The following TRAPPC8 variants were observed in gnomAD, a reference collection of about 807,000 sequenced individuals.
The protein encoded by TRAPPC8 is general sporulation gene 1 homolog.
TRAPPC8 carries 54 observed loss-of-function variants against 174.3 expected under a neutral mutation model. The ratio of observed to expected loss-of-function variants is 0.31; its 90% CI spans 0.25 to 0.39. The LOEUF is 0.39. Among genes scored for constraint, TRAPPC8 ranks in the 10% least tolerant of loss-of-function variants. TRAPPC8 has a pLI of 1.00. For missense variants in TRAPPC8, 1,531 were observed against 1,699.1 expected (o/e 0.90, Z 1.74); for synonymous variants, 630 against 579.9 (o/e 1.09, Z -1.24).
rs201761683 is a variant in TRAPPC8 at position 31,919,571 on chromosome 18, AATAAATAAATAAATAAATAAAAT to A, written c.353-1927_353-1905del. 4.9e-4 allele frequency among the ~76,000 whole-genome samples: 63 copies of A among 127,622 alleles called. 1 individual carries two copies. The highest frequency in any genetic ancestry group is 4.6e-3 in the East Asian group (19 of 4,156). 83.7% of individuals were successfully genotyped at this position (127,622 alleles called of 152,430 possible). A position where few individuals can be genotyped will look rare whatever the true frequency, so the allele number is the denominator to read the frequency against. ...AAATAAATAAATAAATAAATAAATAAATAAATAAATAAATAAATAAAATAATAATAATCCTAACACTTTGGGAG... is the reference window on the plus strand; with the variant it reads ...AAATAAATAAATAAATAAATAAATAAAATAATAATCCTAACACTTTGGGAG... On this transcript the variant is annotated intron_variant, in intron 2 of 28. Coordinates refer to ENST00000283351, the MANE Select transcript of TRAPPC8 (RefSeq NM_014939.5).
At chr18:31,925,841 ATAAC>A (rs35289414) in intron 2 of TRAPPC8, among the ~76,000 whole-genome samples, 2,510 of 152,284 alleles carry the variant, frequency 0.016, 22 homozygotes, top group Middle Eastern at 0.027. Context: ...GAAATGATTT[ATAAC>A]TAACAATGTA....
intron 11 of TRAPPC8, among the ~76,000 whole-genome samples, chr18:31,896,694 C>T (rs996958841): frequency 1.1e-4 from 16 of 152,072 alleles, no homozygotes; most frequent in Admixed American, 7.2e-4. Flanking sequence ...GGTGCGATCT[C>T]GGCTCACTGC....
intron 28 of TRAPPC8, among the ~76,000 whole-genome samples, chr18:31,831,582 C>G (rs983114688): frequency 2.2e-4 from 34 of 152,056 alleles, no homozygotes; most frequent in Non-Finnish European, 4.0e-4. Flanking sequence ...CCTTAGTTAG[C>G]CATATATAAG....
chr18:31,893,035 A>AC (rs2036025713), intron 11 of TRAPPC8, among the ~76,000 whole-genome samples: 4 of 147,746 alleles, frequency 2.7e-5, no homozygotes, highest in African/African-American at 9.7e-5. Flanking sequence ...GGAAAAAAAA[A>AC]AAAAAACAAC....
intron 11 of TRAPPC8, chr18:31,896,276 AG>A (rs1341808151): frequency 6.6e-6 from 1 of 152,234 alleles, no homozygotes; most frequent in Non-Finnish European, 1.5e-5. Flanking sequence ...CTAGAACAGT[AG>A]AAGTTTAAGA....
intron 9 of TRAPPC8, among the ~76,000 whole-genome samples, chr18:31,903,034 C>T (rs867230101): frequency 4.8e-5 from 7 of 144,750 alleles, no homozygotes; most frequent in Non-Finnish European, 7.5e-5. Context: ...TGGGTGACAG[C>T]GAGACTCATC....
chr18:31,913,421 T>C lies in TRAPPC8; in HGVS notation c.719A>G (p.Gln240Arg). The C allele has an allele frequency of 6.2e-7, 1 of 1,609,642 alleles. No individual in the cohort carries two copies. Among genetic ancestry groups the C allele is most frequent in the Non-Finnish European group, 8.5e-7 (1 of 1,178,754 alleles). The change falls in exon 5 of 29, where the codon CAG becomes CGG. Residue 240 changes from glutamine (Q) to arginine (R), a missense_variant. Transcript: ENST00000283351. ...ATACTGACTCCAAGGATCTGGTATC[T>C]GTTCATCTGATGCTCGATTAGATGT... is the stretch of plus-strand genomic sequence containing the variant. ...SRTSNRASDE[Q>R]IPDPWSQYLQ...
chr18:31,872,564 C>T (rs963455373), intron 14 of TRAPPC8, among the ~76,000 whole-genome samples: 2 of 152,124 alleles, frequency 1.3e-5, no homozygotes, highest in African/African-American at 4.8e-5. Context: ...GGACTACAGG[C>T]GCATGCCACC....
intron 16 of TRAPPC8, among the ~76,000 whole-genome samples, chr18:31,868,914 G>C (rs1206158603): frequency 6.6e-6 from 1 of 151,626 alleles, no homozygotes; most frequent in Non-Finnish European, 1.5e-5. Context: ...TGTTGCCTAG[G>C]CTAGAGCAAG....
chr18:31,890,986 A>C, intron 11 of TRAPPC8, 120 bp from the exon 12 acceptor site: 1 of 865,926 alleles, frequency 1.2e-6, no homozygotes, highest in South Asian at 2.5e-5. Flanking sequence ...ACTTAAGAGT[A>C]TATGAGGGCA....
chr18:31,860,146 C>T (rs1260659628), intron 19 of TRAPPC8, among the ~76,000 whole-genome samples: 1 of 152,142 alleles, frequency 6.6e-6, no homozygotes, highest in Non-Finnish European at 1.5e-5. Flanking sequence ...CTCACTATCT[C>T]ACTTCTAATT....
chr18:31,903,435 A>C (rs1369762682), intron 9 of TRAPPC8, among the ~76,000 whole-genome samples: 1 of 152,220 alleles, frequency 6.6e-6, no homozygotes, highest in Non-Finnish European at 1.5e-5. Context: ...TATGGTGTAT[A>C]TATACTACCA....
At chr18:31,831,978 G>T in intron 28 of TRAPPC8, 106 bp downstream of exon 28, 2 of 716,946 alleles carry the variant, frequency 2.8e-6, no homozygotes, top group Non-Finnish European at 4.3e-6. Context: ...AAAAAACCAG[G>T]ACAAGCTTGA....
chr18:31,874,351 C>T (rs1026238311), intron 13 of TRAPPC8, 129 bp downstream of exon 13: 15 of 977,842 alleles, frequency 1.5e-5, no homozygotes, highest in South Asian at 3.5e-5. Context: ...GCCTAGCCTG[C>T]CACAGCTTTT....
intron 26 of TRAPPC8, among the ~76,000 whole-genome samples, chr18:31,842,467 T>A (rs60724618): frequency 0.01 from 1,546 of 152,352 alleles, 32 homozygotes; most frequent in African/African-American, 0.035. Flanking sequence ...GGCATCAGGC[T>A]GATCACCTGC....
chr18:31,869,229 C>T (rs183909670), intron 16 of TRAPPC8, among the ~76,000 whole-genome samples: 21 of 151,230 alleles, frequency 1.4e-4, no homozygotes, highest in African/African-American at 4.1e-4. Flanking sequence ...TTATTAGACA[C>T]GGAAATGAAA....
chr18:31,942,286 C>A (rs2038378324), intron 1 of TRAPPC8, among the ~76,000 whole-genome samples: 1 of 152,212 alleles, frequency 6.6e-6, no homozygotes, highest in African/African-American at 2.4e-5. Flanking sequence ...GTGCCTAATT[C>A]CTTCGCTATG....
intron 2 of TRAPPC8, among the ~76,000 whole-genome samples, chr18:31,923,296 A>G (rs1319495133): frequency 6.6e-6 from 1 of 152,196 alleles, no homozygotes; most frequent in Non-Finnish European, 1.5e-5. Context: ...TGGGGAAAAA[A>G]AGACAACAGA....
chr18:31,879,613 A>T (rs552552672), intron 12 of TRAPPC8, among the ~76,000 whole-genome samples: 10 of 152,264 alleles, frequency 6.6e-5, no homozygotes, highest in Middle Eastern at 3.4e-3. Context: ...AATAAAGATC[A>T]GAGCAGATCT....
Sources: allele counts gnomAD v4.1 joint callset (sites outside exome capture counted in the v4.1 genomes callset), GRCh38; gene constraint gnomAD v4.1.1; transcripts MANE v1.5; gene names NCBI Gene and HGNC (gene_info 2026-07-23, HGNC 2026-07-21).